The following MERTK variants were observed in gnomAD, a reference collection of about 807,000 sequenced individuals.
MERTK encodes tyrosine-protein kinase Mer.
MERTK carries 69 observed loss-of-function variants against 99.3 expected under a neutral mutation model. The ratio of observed to expected loss-of-function variants is 0.70; its 90% CI spans 0.57 to 0.85. The LOEUF is 0.85. MERTK is among the 40% of genes least tolerant of loss of function. MERTK has a pLI of 0.00. For missense variants in MERTK, 1,125 were observed against 1,249.4 expected (o/e 0.90, Z 1.50); for synonymous variants, 426 against 467.6 (o/e 0.91, Z 1.15).
At chr2:111,907,881 G>A (rs1237767793) in intron 1 of MERTK, among the ~76,000 whole-genome samples, 1 of 152,214 alleles carries the variant, frequency 6.6e-6, no homozygotes, top group Admixed American at 6.5e-5. Flanking sequence ...GTATGCTTCA[G>A]AACTACCTAG....
At chr2:112,004,602 G>A (rs1352391613) in intron 13 of MERTK, among the ~76,000 whole-genome samples, 1 of 152,156 alleles carries the variant, frequency 6.6e-6, no homozygotes, top group East Asian at 1.9e-4. Context: ...ATCCTGCAAG[G>A]AGTAGAGCGC....
intron 7 of MERTK, among the ~76,000 whole-genome samples, chr2:111,977,573 T>TAGGA (rs1676279254): frequency 6.6e-6 from 1 of 152,200 alleles, no homozygotes; most frequent in African/African-American, 2.4e-5. Flanking sequence ...ATTGAACTTC[T>TAGGA]GGGGTCTCTG....
chr2:111,991,927 G>A (rs1325105864), intron 8 of MERTK, among the ~76,000 whole-genome samples: 2 of 152,048 alleles, frequency 1.3e-5, no homozygotes, highest in Non-Finnish European at 2.9e-5. Flanking sequence ...GGTGAAAGAC[G>A]GTCTTTCGCT....
intron 4 of MERTK, among the ~76,000 whole-genome samples, chr2:111,948,053 A>G (rs986448608): frequency 6.6e-6 from 1 of 152,100 alleles, no homozygotes; most frequent in Non-Finnish European, 1.5e-5. Context: ...AAAGTGGCCC[A>G]GTTTTAGTCC....
Position 111,929,156 on chromosome 2 carries a change from C to T in MERTK, c.98C>T (p.Pro33Leu), listed in dbSNP as rs144751432. 123 of 1,614,034 alleles carry T rather than the reference C, an allele frequency of 7.6e-5. No homozygotes were observed. The African/African-American group carries it at 1.0e-3, about 13-fold the overall frequency. The change falls in exon 2 of 19, where the codon CCG (proline) becomes CTG (leucine). Residue 33 changes from proline (P) to leucine (L), a missense_variant. Physicochemically the swap from Pro to Leu is moderately conservative, Grantham distance 98 (BLOSUM62 -3). Transcript: ENST00000295408. ...TEAREEAKPY[P>L]LFPGPFPGSL... The stretch of plus-strand genomic sequence containing the variant: ...GCAAGGGAAGAAGCCAAGCCTTACC[C>T]GCTATTCCCGGGACCTTTTCCAGGG...
intron 8 of MERTK, 53 bp downstream of exon 8, chr2:111,983,046 G>A (rs966103530): frequency 6.2e-7 from 1 of 1,606,180 alleles, no homozygotes; most frequent in African/African-American, 1.3e-5. Context: ...CAACTTGCTG[G>A]TTTACTTCAG....
chr2:112,002,496 A>G (rs1676888580), intron 11 of MERTK, among the ~76,000 whole-genome samples: 1 of 152,160 alleles, frequency 6.6e-6, no homozygotes, highest in Admixed American at 6.5e-5. Flanking sequence ...TCAAAGGCAA[A>G]CCACCCCTAC....
intron 4 of MERTK, among the ~76,000 whole-genome samples, chr2:111,955,825 T>A (rs912320450): frequency 2.6e-5 from 4 of 152,192 alleles, no homozygotes; most frequent in Non-Finnish European, 5.9e-5. Context: ...AGAGCAGAAC[T>A]GCAAAGAGCT....
chr2:111,955,762 A>T (rs181109476), intron 4 of MERTK, among the ~76,000 whole-genome samples: 9 of 152,230 alleles, frequency 5.9e-5, no homozygotes, highest in African/African-American at 2.2e-4. Context: ...TTCAAAATAA[A>T]AAGTTTCTTT....
intron 1 of MERTK, among the ~76,000 whole-genome samples, chr2:111,919,484 A>G (rs1684414374): frequency 6.6e-6 from 1 of 152,188 alleles, no homozygotes; most frequent in South Asian, 2.1e-4. Flanking sequence ...GTTTGACAGC[A>G]TAGTGGGAGA....
chr2:111,898,845 A>G (rs763210072), intron 1 of MERTK, 49 bp downstream of exon 1: 46 of 1,544,132 alleles, frequency 3.0e-5, no homozygotes, highest in Non-Finnish European at 3.7e-5. Flanking sequence ...GGCTCCCAGG[A>G]GGAAGCAGGG....
intron 7 of MERTK, among the ~76,000 whole-genome samples, chr2:111,980,458 G>A (rs367934330): frequency 1.6e-5 from 2 of 124,096 alleles, no homozygotes; most frequent in African/African-American, 3.2e-5. Flanking sequence ...TCGCTCTTTC[G>A]CCCAGGCCGG....
At chr2:112,020,155 GAC>G (rs1362845031) in intron 16 of MERTK, among the ~76,000 whole-genome samples, 1 of 152,214 alleles carries the variant, frequency 6.6e-6, no homozygotes, top group Non-Finnish European at 1.5e-5. Context: ...TCAGAGATGT[GAC>G]AATGGGGCCT....
chr2:111,924,443 T>C (rs1240896175), intron 1 of MERTK, among the ~76,000 whole-genome samples: 3 of 152,192 alleles, frequency 2.0e-5, no homozygotes, highest in African/African-American at 7.2e-5. Context: ...CTGGTGGTAG[T>C]GAGGATGCTG....
chr2:111,928,626 C>T (rs546894445), intron 1 of MERTK, among the ~76,000 whole-genome samples: 1 of 152,124 alleles, frequency 6.6e-6, no homozygotes, highest in East Asian at 1.9e-4. Context: ...GCTGGGATTA[C>T]GGGAATGTGC....
intron 4 of MERTK, among the ~76,000 whole-genome samples, chr2:111,959,050 C>T (rs1169974114): frequency 6.6e-6 from 1 of 151,942 alleles, no homozygotes; most frequent in Non-Finnish European, 1.5e-5. Flanking sequence ...TCTGATTGAG[C>T]CAAGGCCAAT....
At chr2:111,902,987 C>A (rs1684073754) in intron 1 of MERTK, among the ~76,000 whole-genome samples, 2 of 152,160 alleles carry the variant, frequency 1.3e-5, no homozygotes, top group Non-Finnish European at 2.9e-5. Flanking sequence ...CCATGTTGGC[C>A]AGGCTGGTCT....
chr2:111,980,498 A>C (rs1257420003), intron 7 of MERTK, among the ~76,000 whole-genome samples: 1 of 145,554 alleles, frequency 6.9e-6, no homozygotes, highest in Non-Finnish European at 1.5e-5. Context: ...GGCTCACTGC[A>C]AGCTCTGCCT....
chr2:111,974,451 T>G (rs1227870025), intron 6 of MERTK, among the ~76,000 whole-genome samples: 1 of 150,954 alleles, frequency 6.6e-6, no homozygotes, highest in Admixed American at 6.6e-5. Flanking sequence ...AAGAGCAGTG[T>G]TCCTTAGGTT....
Sources: allele counts gnomAD v4.1 joint callset (sites outside exome capture counted in the v4.1 genomes callset), GRCh38; gene constraint gnomAD v4.1.1; transcripts MANE v1.5; gene names NCBI Gene and HGNC (gene_info 2026-07-23, HGNC 2026-07-21).